Variants in TENM2 observed in about 807,000 individuals in gnomAD.
TENM2 encodes teneurin transmembrane protein 2, also known as teneurin-2.
A neutral mutation model predicts 245.2 loss-of-function variants in TENM2; 52 were observed. The observed-to-expected ratio is 0.21, with a 90% CI of 0.17 to 0.27. The LOEUF (loss-of-function observed/expected upper bound fraction) is 0.27, where lower values mean the gene tolerates loss of function less well. Ranked by LOEUF, TENM2 falls within the 10% of genes least tolerant of loss-of-function variation. TENM2 has a pLI of 1.00. For missense variants in TENM2, 3,046 were observed against 3,666.8 expected (o/e 0.83, Z 4.37); for synonymous variants, 1,363 against 1,438.9 (o/e 0.95, Z 1.19).
chr5:167,558,291 A>T (rs1410863777), intron 2 of TENM2, among the ~76,000 whole-genome samples: 1 of 152,264 alleles, frequency 6.6e-6, no homozygotes, highest in African/African-American at 2.4e-5. Flanking sequence ...CAATAGTCAC[A>T]GAAGTTTATT....
chr5:167,715,639 A>G (rs995858130), intron 2 of TENM2, among the ~76,000 whole-genome samples: 1 of 152,244 alleles, frequency 6.6e-6, no homozygotes, highest in Admixed American at 6.5e-5. Flanking sequence ...TAATTGCTCA[A>G]TCGGTTTCAT....
intron 4 of TENM2, among the ~76,000 whole-genome samples, chr5:167,990,382 C>T (rs1562022467): frequency 6.6e-6 from 1 of 152,186 alleles, no homozygotes; most frequent in Non-Finnish European, 1.5e-5. Flanking sequence ...TACTATGGGA[C>T]ACACCTTGGT....
intron 2 of TENM2, among the ~76,000 whole-genome samples, chr5:167,578,133 C>A (rs576160812): frequency 1.3e-4 from 20 of 152,100 alleles, no homozygotes; most frequent in Non-Finnish European, 2.5e-4. Context: ...AGGGGAGTTG[C>A]GGCTTTGGAT....
chr5:167,805,138 G>A lies in TENM2; in HGVS notation c.503-70848G>A, dbSNP rs374937601. Reference sequence around the variant, plus strand: ...ATGATTATGTAGCAATTGGGAGGGCGTAAGAGGGGCATTGTCTGAAGTGGT... The same window carrying A: ...ATGATTATGTAGCAATTGGGAGGGCATAAGAGGGGCATTGTCTGAAGTGGT... On this transcript the variant is annotated intron_variant, in intron 2 of 28. Transcript: ENST00000518659. Among the ~76,000 whole-genome samples, 5 of 152,220 alleles carry A rather than the reference G, an allele frequency of 3.3e-5. No homozygotes were observed. In the South Asian group the frequency reaches 6.2e-4, roughly 19 times the overall value.
the TENM2 span, among the ~76,000 whole-genome samples, chr5:166,996,573 A>G: frequency 1.3e-5 from 2 of 152,106 alleles, no homozygotes; most frequent in Non-Finnish European, 2.9e-5. Flanking sequence ...TTTACAGAAA[A>G]AGTTTGCTGG....
chr5:168,112,771 G>T (rs1794782861), intron 9 of TENM2, among the ~76,000 whole-genome samples: 1 of 151,972 alleles, frequency 6.6e-6, no homozygotes, highest in Non-Finnish European at 1.5e-5. Context: ...GGTTTGAGGG[G>T]TCACCGAGCT....
chr5:168,242,978 A>G (rs964164339), intron 25 of TENM2, among the ~76,000 whole-genome samples: 4 of 150,728 alleles, frequency 2.7e-5, no homozygotes, highest in Non-Finnish European at 5.9e-5. Flanking sequence ...AAAACTTATT[A>G]TTACTATCAT....
intron 2 of TENM2, among the ~76,000 whole-genome samples, chr5:167,479,311 A>G (rs76804363): frequency 6.6e-6 from 1 of 152,290 alleles, no homozygotes; most frequent in East Asian, 1.9e-4. Context: ...AAATTCCTTC[A>G]TAAGTTATTG....
At chr5:167,586,481 A>G (rs959392535) in intron 2 of TENM2, among the ~76,000 whole-genome samples, 1 of 152,168 alleles carries the variant, frequency 6.6e-6, no homozygotes, top group Non-Finnish European at 1.5e-5. Flanking sequence ...TTAATTTGGG[A>G]CATATCCTCC....
chr5:167,011,387 C>G, the TENM2 span, among the ~76,000 whole-genome samples: 1 of 152,168 alleles, frequency 6.6e-6, no homozygotes, highest in Admixed American at 6.5e-5. Flanking sequence ...CCCTACAATT[C>G]CCAGTGTGAA....
chr5:167,181,203 GACA>G, the TENM2 span, among the ~76,000 whole-genome samples: 2 of 152,036 alleles, frequency 1.3e-5, no homozygotes, highest in Non-Finnish European at 2.9e-5. Context: ...TAGAACCTAT[GACA>G]ACAAAAATGC....
At chr5:168,075,124 A>G (rs1791355125) in intron 7 of TENM2, among the ~76,000 whole-genome samples, 1 of 152,080 alleles carries the variant, frequency 6.6e-6, no homozygotes, top group Non-Finnish European at 1.5e-5. Flanking sequence ...AGTCCATTGT[A>G]TCATTCTTAT....
In TENM2 at chr5:168,216,837, A is replaced by G. The variant is rs761960622; in HGVS notation, c.4148A>G (p.Asn1383Ser). 6.8e-6 allele frequency: 11 copies of G among 1,613,848 alleles called. No individual in the cohort carries two copies. In the South Asian group the frequency reaches 1.2e-4, roughly 18 times the overall value. The change falls in exon 22 of 29, where the codon AAT becomes AGT. Residue 1383 changes from asparagine to serine, a missense_variant. Physicochemically the swap from Asn to Ser is conservative, Grantham distance 46. Coordinates refer to ENST00000518659, the Ensembl canonical transcript of TENM2. ...ACCATGATCCGGAAGGTTGACCAGA[A>G]TGGAATCATCTCCACCCTGCTGGGC...
At chr5:167,230,240 C>G in the TENM2 span, among the ~76,000 whole-genome samples, 1 of 152,136 alleles carries the variant, frequency 6.6e-6, no homozygotes, top group South Asian at 2.1e-4. Flanking sequence ...TCAAGGAGCT[C>G]TCACCTGACT....
At chr5:167,009,991 T>G in the TENM2 span, among the ~76,000 whole-genome samples, 2 of 152,318 alleles carry the variant, frequency 1.3e-5, no homozygotes, top group Admixed American at 1.3e-4. Context: ...TTATTGGTTT[T>G]AGGTTATAGT....
chr5:167,164,388 T>C, the TENM2 span, among the ~76,000 whole-genome samples: 1 of 152,332 alleles, frequency 6.6e-6, no homozygotes, highest in East Asian at 1.9e-4. Context: ...TGCAGCCATG[T>C]ATGGAATTTT....
At chr5:168,098,322 T>C (rs1416917216) in intron 9 of TENM2, among the ~76,000 whole-genome samples, 195 bp downstream of exon 11, 1 of 152,110 alleles carries the variant, frequency 6.6e-6, no homozygotes, top group African/African-American at 2.4e-5. Flanking sequence ...AACGTACCTA[T>C]AGGAGCAGGG....
chr5:167,205,392 A>G, the TENM2 span, among the ~76,000 whole-genome samples: 1 of 152,186 alleles, frequency 6.6e-6, no homozygotes, highest in East Asian at 1.9e-4. Flanking sequence ...AAAAATAAAA[A>G]ATAATTAAAA....
At chr5:167,811,538 C>A (rs75393760) in intron 2 of TENM2, among the ~76,000 whole-genome samples, 2,846 of 152,192 alleles carry the variant, frequency 0.019, 98 homozygotes, top group African/African-American at 0.065. Flanking sequence ...CCACTTAAAC[C>A]TCTTTTTTTA....
Sources: gnomAD v4.1 joint callset for allele counts (sites outside exome capture counted in the v4.1 genomes callset) on GRCh38, gnomAD v4.1.1 for gene constraint, MANE v1.5 for transcripts, NCBI Gene and HGNC (gene_info 2026-07-23, HGNC 2026-07-21) for gene names.